The following COL13A1 variants were observed in gnomAD, a reference collection of about 807,000 sequenced individuals.
COL13A1 encodes the protein collagen type XIII alpha 1 chain.
Under a neutral mutation model 130.9 loss-of-function variants are expected in COL13A1, and 89 were observed. The ratio of observed to expected loss-of-function variants is 0.68; its 90% CI spans 0.57 to 0.81. COL13A1 has a LOEUF of 0.81. Among genes scored for constraint, COL13A1 ranks in the 30% least tolerant of loss-of-function variants. The pLI is 0.00. For missense variants in COL13A1, 879 were observed against 934.6 expected (o/e 0.94, Z 0.78); for synonymous variants, 402 against 341.6 (o/e 1.18, Z -1.95).
rs1855994734 is a variant in COL13A1, at chr10:69,854,982, A to G, written c.365-12816A>G. 1.3e-5 allele frequency among the ~76,000 whole-genome samples: 2 copies of G among 152,104 alleles called. 1 individual carries two copies. The highest frequency in any genetic ancestry group is 1.3e-4 in the Admixed American group (2 of 15,276). ...TTCTCCAGGCTGTGTGCTGGTGTGG[A>G]AAGAGGATGGACTTTGCAGTCTCAT... On this transcript the variant is annotated intron_variant, in intron 2 of 40. Transcript: ENST00000645393.
At chr10:69,866,645 T>C (rs1444641477) in intron 2 of COL13A1, among the ~76,000 whole-genome samples, 1 of 152,048 alleles carries the variant, frequency 6.6e-6, no homozygotes, top group Non-Finnish European at 1.5e-5. Context: ...TCACCCAGGC[T>C]CTACACCTCT....
rs2059094687 is a variant in COL13A1 at position 69,871,759 on chromosome 10, A to G, written c.373-425A>G. ...GCCAGCCCCATGCCCGTCTCTGGCC[A>G]GTCCTCCTCTCTTCTAATAATCATA... On this transcript the variant is annotated intron_variant, in intron 3 of 40. Transcript: ENST00000645393. Among the ~76,000 whole-genome samples, 3 of 152,250 alleles carry G rather than the reference A, an allele frequency of 2.0e-5. No homozygotes were observed. The South Asian group carries it at 6.2e-4, about 32-fold the overall frequency.
chr10:69,820,971 A>G (rs1043446049), intron 1 of COL13A1, among the ~76,000 whole-genome samples: 2 of 152,138 alleles, frequency 1.3e-5, no homozygotes, highest in African/African-American at 2.4e-5. Context: ...TACCACCCTT[A>G]TGACACCTCC....
chr10:69,846,525 G>A (rs192035554), intron 2 of COL13A1, among the ~76,000 whole-genome samples: 3 of 152,286 alleles, frequency 2.0e-5, no homozygotes, highest in African/African-American at 7.2e-5. Context: ...CTCAGCTGGT[G>A]AGCTCAGAAC....
At chr10:69,877,697 TCTCACACA>T (rs1395298683) in intron 5 of COL13A1, 1,016 of 99,714 alleles carry the variant, frequency 0.01, 5 homozygotes, top group African/African-American at 0.038. Flanking sequence ...TCTCTCTCTC[TCTCACACA>T]CACACACACA....
chr10:69,919,205 C>T, intron 20 of COL13A1, 117 bp downstream of exon 20: 1 of 1,369,960 alleles, frequency 7.3e-7, no homozygotes, highest in Non-Finnish European at 1.0e-6. Flanking sequence ...GACTGGGGAC[C>T]TGGCTAAGCA....
At chr10:69,870,257 G>A (rs1423790915) in intron 3 of COL13A1, among the ~76,000 whole-genome samples, 1 of 149,682 alleles carries the variant, frequency 6.7e-6, no homozygotes, top group African/African-American at 2.5e-5. Context: ...ATGCCCAAAG[G>A]TGTTTTGCAA....
chr10:69,836,734 G>A (rs1850167280), intron 2 of COL13A1, among the ~76,000 whole-genome samples: 1 of 152,190 alleles, frequency 6.6e-6, no homozygotes, highest in Non-Finnish European at 1.5e-5. Flanking sequence ...TTGGCAGGCT[G>A]GCTCCTCAGC....
intron 2 of COL13A1, among the ~76,000 whole-genome samples, chr10:69,861,307 G>T (rs1858004055): frequency 6.6e-6 from 1 of 152,188 alleles, no homozygotes; most frequent in Non-Finnish European, 1.5e-5. Context: ...GTTGCTGTCA[G>T]GTGGCTCCAG....
chr10:69,935,426 T>A, intron 32 of COL13A1, 35 bp downstream of exon 32: 3 of 1,481,490 alleles, frequency 2.0e-6, no homozygotes, highest in Non-Finnish European at 2.7e-6. Context: ...GCCAGTCCAC[T>A]AATGTCCCCT....
intron 1 of COL13A1, among the ~76,000 whole-genome samples, chr10:69,813,848 G>A (rs1018402913): frequency 6.6e-6 from 1 of 152,200 alleles, no homozygotes; most frequent in African/African-American, 2.4e-5. Flanking sequence ...AGCCCATGGG[G>A]CCAGCACTGA....
chr10:69,949,967 T>TGTGTGTGTGTGTGCATGTGTTTGTGTGC (rs1565161450), intron 38 of COL13A1, among the ~76,000 whole-genome samples: 3 of 122,076 alleles, frequency 2.5e-5, no homozygotes, highest in African/African-American at 1.2e-4. Flanking sequence ...TGTGTGTGCG[T>TGTGTGTGTGTGTGCATGTGTTTGTGTGC]GTGTGTGTGT....
chr10:69,922,642 T>C, intron 22 of COL13A1, 66 bp from the exon 23 acceptor site: 1 of 1,210,360 alleles, frequency 8.3e-7, no homozygotes, highest in Non-Finnish European at 1.2e-6. Flanking sequence ...CCCCATAGTG[T>C]CCCTCCAGTG....
At chr10:69,950,415 C>T (rs947857999) in intron 38 of COL13A1, among the ~76,000 whole-genome samples, 10 of 152,160 alleles carry the variant, frequency 6.6e-5, no homozygotes, top group African/African-American at 1.4e-4. Flanking sequence ...CCATAGTGTC[C>T]GTTACCTGTT....
At chr10:69,864,739 A>G (rs926133565) in intron 2 of COL13A1, among the ~76,000 whole-genome samples, 14 of 152,204 alleles carry the variant, frequency 9.2e-5, no homozygotes, top group African/African-American at 3.1e-4. Flanking sequence ...TTGGGGAAGC[A>G]TGGCCGCCTT....
In COL13A1 at chr10:69,957,048, G is replaced by A. The variant is rs770719420; in HGVS notation, c.2184+6G>A. The A allele has an allele frequency of 1.4e-5, 23 of 1,612,792 alleles. No individual in the cohort carries two copies. The highest frequency in any genetic ancestry group is 2.2e-5 in the South Asian group (2 of 91,058). ...TCCAAGGCTGCTGGAACAAGGTAAG[G>A]CTTCCCATTGGTGTGCACTGGGGCT... On this transcript the variant is annotated splice_donor_region_variant and intron_variant, in intron 40 of 40. Coordinates refer to ENST00000645393, the MANE Select transcript of COL13A1 (RefSeq NM_001368882.1).
At chr10:69,877,724 C>A in intron 5 of COL13A1, 1 of 395,808 alleles carries the variant, frequency 2.5e-6, no homozygotes. Context: ...CACACACACA[C>A]ACACACACAC....
At chr10:69,880,951 C>A (rs1391480855) in intron 7 of COL13A1, among the ~76,000 whole-genome samples, 1 of 152,208 alleles carries the variant, frequency 6.6e-6, no homozygotes, top group Non-Finnish European at 1.5e-5. Context: ...GTTCACTGAC[C>A]CAGGCACGCA....
chr10:69,942,676 A>C (rs34507493), intron 35 of COL13A1, among the ~76,000 whole-genome samples: 5 of 152,174 alleles, frequency 3.3e-5, no homozygotes, highest in African/African-American at 1.2e-4. Context: ...CTTGCTACGC[A>C]TTCATGCATG....
Sources: gnomAD v4.1 joint callset for allele counts (sites outside exome capture counted in the v4.1 genomes callset) on GRCh38, gnomAD v4.1.1 for gene constraint, MANE v1.5 for transcripts, NCBI Gene and HGNC (gene_info 2026-07-23, HGNC 2026-07-21) for gene names.